TMEM81: variants seen among roughly 807,000 people sequenced by gnomAD.
The protein encoded by TMEM81 is transmembrane protein 81.
For synonymous variants in TMEM81, 132 were observed against 119.1 expected, an observed-to-expected ratio of 1.11 and a Z score of -0.71; for missense variants, 294 against 300.5, an observed-to-expected ratio of 0.98 and a Z score of 0.16.
rs1655054752 is a variant in TMEM81 at position 205,083,225 on chromosome 1, T to G, written c.*328A>C. The G allele has an allele frequency of 3.5e-6, 1 of 286,532 alleles. No homozygotes were observed. Among genetic ancestry groups the G allele is most frequent in the African/African-American group, 2.2e-5 (1 of 45,910 alleles). 17.7% of individuals were successfully genotyped at this position (286,532 alleles called of 1,614,324 possible). On this transcript the variant is annotated 3_prime_UTR_variant, in exon 1 of 1. Coordinates refer to ENST00000367167, the MANE Select transcript of TMEM81 (RefSeq NM_203376.2). The stretch of plus-strand genomic sequence containing the variant: ...CAGCTCAGAAGAGGGGAAATGGAGG[T>G]GGGGAGGCATCCAAGTCATAAAGGG...
In TMEM81 at chr1:205,084,248, T is replaced by C; in HGVS notation, c.73A>G (p.Thr25Ala). The change falls in exon 1 of 1, where the codon ACA (threonine) becomes GCA (alanine). Residue 25 changes from threonine (T) to alanine (A), a missense_variant. Physicochemically the swap from Thr to Ala is moderately conservative, Grantham distance 58. Transcript: ENST00000367167. ...LAFYLPLVVT[T>A]PKTLAIPEKL... is the part of the protein sequence containing the mutation. ...TCAGGGATGGCCAGTGTTTTAGGTG[T>C]AGTCACCACCAAAGGCAGGTAGAAG... 3 of 1,613,986 alleles carry C rather than the reference T, an allele frequency of 1.9e-6. No homozygotes were observed. Among genetic ancestry groups the C allele is most frequent in the Non-Finnish European group, 2.5e-6 (3 of 1,180,002 alleles).
chr1:205,083,283 C>T lies in TMEM81; in HGVS notation c.*270G>A. 2.3e-6 allele frequency: 1 copy of T among 437,932 alleles called. No homozygotes were observed. The highest frequency in any genetic ancestry group is 4.0e-6 in the Non-Finnish European group (1 of 247,986). The allele number at this position is 437,932 out of a possible 1,614,324, so 27.1% of individuals were successfully genotyped here. On this transcript the variant is annotated 3_prime_UTR_variant, in exon 1 of 1. Transcript: ENST00000367167. ...TGAATGCAAGCTTCTTAGAACTCTT[C>T]CCAGGAACACAGGCAATGCTTGCAG...
Position 205,083,251 on chromosome 1 carries a change from T to G in TMEM81, c.*302A>C. On this transcript the variant is annotated 3_prime_UTR_variant, in exon 1 of 1. Transcript: ENST00000367167. ...GGGGAGGCATCCAAGTCATAAAGGG[T>G]AGAAAATGAATGCAAGCTTCTTAGA... 2.9e-6 allele frequency: 1 copy of G among 349,904 alleles called. No individual in the cohort carries two copies. Among genetic ancestry groups the G allele is most frequent in the African/African-American group, 2.1e-5 (1 of 47,920 alleles). The allele number at this position is 349,904 out of a possible 1,614,324, so 21.7% of individuals were successfully genotyped here. A position where few individuals can be genotyped will look rare whatever the true frequency, so the allele number is the denominator to read the frequency against.
chr1:205,084,432 AG>A lies in TMEM81; in HGVS notation c.-113del. On this transcript the variant is annotated 5_prime_UTR_variant, in exon 1 of 1. The change abolishes the stop of an existing upstream ORF in the 5' untranslated region. Coordinates refer to ENST00000367167, the MANE Select transcript of TMEM81 (RefSeq NM_203376.2). ...ACATGAGATATCCTTCAAAGTCAAA[AG>A]ATATGATGCATGTATTGTCAATAAA... The A allele has an allele frequency of 1.8e-6, 2 of 1,117,958 alleles. No individual in the cohort carries two copies. Among genetic ancestry groups the A allele is most frequent in the Non-Finnish European group, 2.6e-6 (2 of 780,480 alleles). 69.3% of individuals were successfully genotyped at this position (1,117,958 alleles called of 1,614,324 possible).
Position 205,083,196 on chromosome 1 carries a change from T to C in TMEM81, c.*357A>G. On this transcript the variant is annotated 3_prime_UTR_variant, in exon 1 of 1. Transcript: ENST00000367167. ...GGCTGAATACATCCCTCTACATGAA[T>C]ACACAGCTCAGAAGAGGGGAAATGG... The C allele has an allele frequency of 4.3e-6, 1 of 232,972 alleles. No homozygotes were observed. The highest frequency in any genetic ancestry group is 9.2e-5 in the East Asian group (1 of 10,826). 14.4% of individuals were successfully genotyped at this position (232,972 alleles called of 1,614,324 possible). A position where few individuals can be genotyped will look rare whatever the true frequency, so the allele number is the denominator to read the frequency against.
chr1:205,083,436 G>T lies in TMEM81; in HGVS notation c.*117C>A. 8.5e-7 allele frequency: 1 copy of T among 1,176,700 alleles called. No homozygotes were observed. The highest frequency in any genetic ancestry group is 1.2e-6 in the Non-Finnish European group (1 of 844,002). 72.9% of individuals were successfully genotyped at this position (1,176,700 alleles called of 1,614,324 possible). Reference sequence around the variant, plus strand: ...TCTCCCACTCATTCTTTTGGCTGTGGGAGTGTTCCCTCTAAGCTGATCCAC... The same window carrying T: ...TCTCCCACTCATTCTTTTGGCTGTGTGAGTGTTCCCTCTAAGCTGATCCAC... On this transcript the variant is annotated 3_prime_UTR_variant, in exon 1 of 1. Coordinates refer to ENST00000367167, the MANE Select transcript of TMEM81 (RefSeq NM_203376.2).
In TMEM81 at chr1:205,083,806, T is replaced by C. The variant is rs1655065298; in HGVS notation, c.515A>G (p.Lys172Arg). Residue 172 changes from lysine (K) to arginine (R), a missense_variant, in exon 1 of 1, where the codon AAG (lysine) becomes AGG (arginine). Coordinates refer to ENST00000367167, the MANE Select transcript of TMEM81 (RefSeq NM_203376.2). The part of the protein sequence containing the change: ...VQLVKNLRLV[K>R]RLYFGLRVLP... ...GACCCTCAACCCAAAATAGAGCCTC[T>C]TGACGAGTCTCAAGTTTTTTACCAG... 1.2e-6 allele frequency: 2 copies of C among 1,614,212 alleles called. No individual in the cohort carries two copies. Among genetic ancestry groups the C allele is most frequent in the Non-Finnish European group, 8.5e-7 (1 of 1,180,040 alleles).
rs1362663405 is a variant in TMEM81, at chr1:205,083,527, G to A, written c.*26C>T. The A allele has an allele frequency of 6.4e-7, 1 of 1,571,612 alleles. No individual in the cohort carries two copies. Among genetic ancestry groups the A allele is most frequent in the Non-Finnish European group, 8.6e-7 (1 of 1,158,700 alleles). On this transcript the variant is annotated 3_prime_UTR_variant, in exon 1 of 1. Coordinates refer to ENST00000367167, the MANE Select transcript of TMEM81 (RefSeq NM_203376.2). The stretch of plus-strand genomic sequence containing the variant: ...TTCCTGGGCAGCCAGTTCTTCAGGA[G>A]CAAGGCTGTTAAGTTCTTGAAGCTG...
rs769475855 is a variant in TMEM81 at position 205,084,130 on chromosome 1, T to G, written c.191A>C (p.Glu64Ala). The G allele has an allele frequency of 6.2e-7, 1 of 1,614,186 alleles. No individual in the cohort carries two copies. Among genetic ancestry groups the G allele is most frequent in the South Asian group, 1.1e-5 (1 of 91,082 alleles). ...GLGYKEETVC[E>A]VGPDGVRRKC... Reference sequence around the variant, plus strand: ...CCTTCTCACTCCATCAGGGCCCACCTCACAGACGGTCTCCTCCTTATAGCC... The same window carrying G: ...CCTTCTCACTCCATCAGGGCCCACCGCACAGACGGTCTCCTCCTTATAGCC... The change falls in exon 1 of 1, where the codon GAG (glutamate) becomes GCG (alanine). Residue 64 changes from glutamate to alanine, a missense_variant. By Grantham distance (107) the Glu-to-Ala change is moderately radical. Coordinates refer to ENST00000367167, the MANE Select transcript of TMEM81 (RefSeq NM_203376.2).
Position 205,084,390 on chromosome 1 carries a change from A to G in TMEM81, c.-70T>C. Reference sequence around the variant, plus strand: ...ATTCCAGCTGAATCCTCTATAAATCATAACTTGATTCCTTTGACATGAGAT... The same window carrying G: ...ATTCCAGCTGAATCCTCTATAAATCGTAACTTGATTCCTTTGACATGAGAT... On this transcript the variant is annotated 5_prime_UTR_variant, in exon 1 of 1. The change abolishes an upstream ATG in the 5' untranslated region. Coordinates refer to ENST00000367167, the MANE Select transcript of TMEM81 (RefSeq NM_203376.2). 6.7e-7 allele frequency: 1 copy of G among 1,486,372 alleles called. No individual in the cohort carries two copies. The highest frequency in any genetic ancestry group is 9.1e-7 in the Non-Finnish European group (1 of 1,099,816). The allele number at this position is 1,486,372 out of a possible 1,614,324, so 92.1% of individuals were successfully genotyped here. A position where few individuals can be genotyped will look rare whatever the true frequency, so the allele number is the denominator to read the frequency against.
In TMEM81 at chr1:205,083,290, A is replaced by G. The variant is rs1214479642; in HGVS notation, c.*263T>C. Reference sequence around the variant, plus strand: ...AAGCTTCTTAGAACTCTTCCCAGGAACACAGGCAATGCTTGCAGTTTCCTG... The same window carrying G: ...AAGCTTCTTAGAACTCTTCCCAGGAGCACAGGCAATGCTTGCAGTTTCCTG... On this transcript the variant is annotated 3_prime_UTR_variant, in exon 1 of 1. Coordinates refer to ENST00000367167, the MANE Select transcript of TMEM81 (RefSeq NM_203376.2). 5 of 450,676 alleles carry G rather than the reference A, an allele frequency of 1.1e-5. No individual in the cohort carries two copies. The highest frequency in any genetic ancestry group is 7.9e-5 in the African/African-American group (4 of 50,902). The allele number at this position is 450,676 out of a possible 1,614,324, so 27.9% of individuals were successfully genotyped here.
rs1274305295 is a variant in TMEM81 at position 205,084,093 on chromosome 1, A to T, written c.228T>A (p.Thr76=). 1 of 1,614,200 alleles carries T rather than the reference A, an allele frequency of 6.2e-7. No individual in the cohort carries two copies. The highest frequency in any genetic ancestry group is 1.3e-5 in the African/African-American group (1 of 75,058). Residue 76 remains threonine (T), a synonymous_variant, in exon 1 of 1, where the codon ACT becomes ACA. Transcript: ENST00000367167. Reference sequence around the variant, plus strand: ...AGTTGGTCAGACATTCTAAGCGCCGAGTCTGACATTTCCTTCTCACTCCAT... The same window carrying T: ...AGTTGGTCAGACATTCTAAGCGCCGTGTCTGACATTTCCTTCTCACTCCAT... ...GPDGVRRKCQ[T]RRLECLTNWI...
chr1:205,083,644 G>A lies in TMEM81; in HGVS notation c.677C>T (p.Ser226Leu), dbSNP rs111946066. 7.4e-6 allele frequency: 12 copies of A among 1,614,238 alleles called. No individual in the cohort carries two copies. The African/African-American group carries it at 9.3e-5, about 13-fold the overall frequency. ...HHPKWKKKVA[S>L]ALGIGIAIGV... Reference sequence around the variant, plus strand: ...AATGGCAATTCCTATTCCCAAGGCTGACGCCACCTTCTTTTTCCACTTTGG... The same window carrying A: ...AATGGCAATTCCTATTCCCAAGGCTAACGCCACCTTCTTTTTCCACTTTGG... Residue 226 changes from serine to leucine, a missense_variant, in exon 1 of 1, where the codon TCA becomes TTA. Ser to Leu is a moderately radical substitution (Grantham distance 145). Transcript: ENST00000367167.
At position 205,084,333 on chromosome 1, in the gene TMEM81, GT is replaced by G; in HGVS notation, c.-14del. 1 of 1,605,492 alleles carries G rather than the reference GT, an allele frequency of 6.2e-7. No homozygotes were observed. The highest frequency in any genetic ancestry group is 8.5e-7 in the Non-Finnish European group (1 of 1,175,280). On this transcript the variant is annotated 5_prime_UTR_variant, in exon 1 of 1. Transcript: ENST00000367167. ...CTAAAACCTTCATGTCTCGGTAGGC[GT>G]TTTGCCACCCTCAGCCAGCACCCAC... is the stretch of plus-strand genomic sequence containing the variant.
chr1:205,083,510 C>A lies in TMEM81; in HGVS notation c.*43G>T. ...TAAAAAGCTAGCTTGGCTTCCTGGG[C>A]AGCCAGTTCTTCAGGAGCAAGGCTG... On this transcript the variant is annotated 3_prime_UTR_variant, in exon 1 of 1. Transcript: ENST00000367167. 2 of 1,548,388 alleles carry A rather than the reference C, an allele frequency of 1.3e-6. No homozygotes were observed. Among genetic ancestry groups the A allele is most frequent in the Non-Finnish European group, 8.7e-7 (1 of 1,147,780 alleles).
chr1:205,084,179 T>C lies in TMEM81; in HGVS notation c.142A>G (p.Thr48Ala). ...AVGKVIINAT[T>A]CTVTCGLGYK... ...CCAAGGCCACAGGTGACAGTACAGG[T>C]TGTGGCATTGATGATAACTTTCCCC... Residue 48 changes from threonine (T) to alanine (A), a missense_variant, in exon 1 of 1, where the codon ACC (threonine) becomes GCC (alanine). By Grantham distance (58) the Thr-to-Ala change is moderately conservative. Transcript: ENST00000367167. 2 of 1,614,150 alleles carry C rather than the reference T, an allele frequency of 1.2e-6. No homozygotes were observed. Among genetic ancestry groups the C allele is most frequent in the South Asian group, 2.2e-5 (2 of 91,080 alleles).
At position 205,084,363 on chromosome 1, in the gene TMEM81, GT is replaced by G. The variant is rs1472197580; in HGVS notation, c.-44del. On this transcript the variant is annotated 5_prime_UTR_variant, in exon 1 of 1. Coordinates refer to ENST00000367167, the MANE Select transcript of TMEM81 (RefSeq NM_203376.2). ...GCCACCCTCAGCCAGCACCCACAAG[GT>G]ATTCCAGCTGAATCCTCTATAAATC... 4 of 1,571,076 alleles carry G rather than the reference GT, an allele frequency of 2.5e-6. No individual in the cohort carries two copies. Among genetic ancestry groups the G allele is most frequent in the Non-Finnish European group, 3.4e-6 (4 of 1,160,132 alleles).
Position 205,083,513 on chromosome 1 carries a change from C to G in TMEM81, c.*40G>C, listed in dbSNP as rs1655059048. On this transcript the variant is annotated 3_prime_UTR_variant, in exon 1 of 1. Coordinates refer to ENST00000367167, the MANE Select transcript of TMEM81 (RefSeq NM_203376.2). ...AAAGCTAGCTTGGCTTCCTGGGCAG[C>G]CAGTTCTTCAGGAGCAAGGCTGTTA... The G allele has an allele frequency of 6.4e-7, 1 of 1,550,534 alleles. No homozygotes were observed. Among genetic ancestry groups the G allele is most frequent in the Non-Finnish European group, 8.7e-7 (1 of 1,149,414 alleles).
In TMEM81 at chr1:205,083,577, C is replaced by T. The variant is rs147641457; in HGVS notation, c.744G>A (p.Ala248=). 168 of 1,610,564 alleles carry T rather than the reference C, an allele frequency of 1.0e-4. No homozygotes were observed. The highest frequency in any genetic ancestry group is 1.4e-4 in the Non-Finnish European group (159 of 1,177,606). Residue 248 remains alanine (A), a synonymous_variant, in exon 1 of 1, where the codon GCG becomes GCA. Coordinates refer to ENST00000367167, the MANE Select transcript of TMEM81 (RefSeq NM_203376.2). ...GGVLVRIVLC[A]LRGGLQQ ...GTCACTGCTGCAGGCCCCCCCTTAG[C>T]GCACAGAGGACAATCCTCACCAACA...
Sources: allele counts gnomAD v4.1 joint callset, GRCh38; gene constraint gnomAD v4.1.1; transcripts MANE v1.5; gene names NCBI Gene and HGNC (gene_info 2026-07-23, HGNC 2026-07-21).